The following PCDHGB5 variants were observed in gnomAD, a reference collection of about 807,000 sequenced individuals.
The protein encoded by PCDHGB5 is protocadherin gamma-B5.
Under a neutral mutation model 62.9 loss-of-function variants are expected in PCDHGB5, and 48 were observed. That is an observed-to-expected ratio of 0.76 (90% confidence interval 0.61 to 0.97). The LOEUF (loss-of-function observed/expected upper bound fraction) is 0.97. Among genes scored for constraint, PCDHGB5 ranks in the 50% least tolerant of loss-of-function variants. The pLI is 0.00. For synonymous variants in PCDHGB5, 474 were observed against 511.2 expected (o/e 0.93, Z 0.98); for missense variants, 1,118 against 1,198.6 (o/e 0.93, Z 0.99).
rs1488042504 is a variant in PCDHGB5, at chr5:141,511,552, T to C, written c.*379T>C. ...CCTCCTCCCCACCCCACTCCAACAG[T>C]TCCTCTTTCCCGAGTAAGGTGGTTG... On this transcript the variant is annotated 3_prime_UTR_variant, in exon 4 of 4. Coordinates refer to ENST00000617380, the MANE Select transcript of PCDHGB5 (RefSeq NM_018925.3). 1.3e-5 allele frequency: 4 copies of C among 304,316 alleles called. No individual in the cohort carries two copies. The highest frequency in any genetic ancestry group is 2.6e-5 in the Non-Finnish European group (4 of 156,548). The allele number at this position is 304,316 out of a possible 1,614,324, so 18.9% of individuals were successfully genotyped here.
At position 141,501,290 on chromosome 5, in the gene PCDHGB5, TACACACACACAC is replaced by T. The variant is rs55762287; in HGVS notation, c.2457-4070_2457-4059del. Among the ~76,000 whole-genome samples, 15 of 136,248 alleles carry T rather than the reference TACACACACACAC, an allele frequency of 1.1e-4. No homozygotes were observed. The South Asian group carries it at 1.2e-3, about 11-fold the overall frequency. The allele number at this position is 136,248 out of a possible 152,430, so 89.4% of individuals were successfully genotyped here. A position where few individuals can be genotyped will look rare whatever the true frequency, so the allele number is the denominator to read the frequency against. ...GTCCAGTCTATGGGATATTCCCTTA[TACACACACACAC>T]ACACACACACACACACACACACACA... On this transcript the variant is annotated intron_variant, in intron 2 of 3. Transcript: ENST00000617380.
At chr5:141,421,770 G>T in intron 1 of PCDHGB5, 6 of 1,613,856 alleles carry the variant, frequency 3.7e-6, no homozygotes, top group East Asian at 2.2e-5. Context: ...ACTTTTCCTT[G>T]CAACTGCGGG....
At chr5:141,428,070 T>G (rs756684090) in intron 1 of PCDHGB5, 7 of 1,609,106 alleles carry the variant, frequency 4.4e-6, no homozygotes, top group Non-Finnish European at 5.1e-6. Context: ...GGACGCAGAT[T>G]CGGGACACAA....
chr5:141,434,714 G>A (rs1333237898), intron 1 of PCDHGB5, among the ~76,000 whole-genome samples: 1 of 151,564 alleles, frequency 6.6e-6, no homozygotes, highest in Non-Finnish European at 1.5e-5. Context: ...GTAAATCTCT[G>A]TTCAGGGCTC....
At chr5:141,498,338 G>A (rs2237079) in intron 2 of PCDHGB5, among the ~76,000 whole-genome samples, 68,665 of 151,630 alleles carry the variant, frequency 0.45, 15,766 homozygotes, top group Admixed American at 0.55. Flanking sequence ...CATTCCAAAT[G>A]GGAAAAGCCT....
intron 1 of PCDHGB5, among the ~76,000 whole-genome samples, chr5:141,435,953 G>A (rs2097789156): frequency 6.6e-6 from 1 of 151,984 alleles, no homozygotes; most frequent in Non-Finnish European, 1.5e-5. Context: ...CAAAAAAGGG[G>A]GCAAAATATA....
rs930862898 is a variant in PCDHGB5 at position 141,480,073 on chromosome 5, C to A, written c.2398-14734C>A. ...GGAATAATAAGTGTTTTATAAGATT[C>A]ATGCATGATATAATGTATGCAAAGT... On this transcript the variant is annotated intron_variant, in intron 1 of 3. Coordinates refer to ENST00000617380, the MANE Select transcript of PCDHGB5 (RefSeq NM_018925.3). Among the ~76,000 whole-genome samples, 5 of 152,174 alleles carry A rather than the reference C, an allele frequency of 3.3e-5. No homozygotes were observed. In the South Asian group the frequency reaches 8.3e-4, roughly 25 times the overall value.
Position 141,512,910 on chromosome 5 carries a change from T to C in PCDHGB5, c.*1737T>C, listed in dbSNP as rs2099884499. On this transcript the variant is annotated 3_prime_UTR_variant, in exon 4 of 4. Transcript: ENST00000617380. Reference sequence around the variant, plus strand: ...CTCTTCCTGTGTCTCACGCAAGTTTTATACTCTAATATTTATATGGCTTTT... The same window carrying C: ...CTCTTCCTGTGTCTCACGCAAGTTTCATACTCTAATATTTATATGGCTTTT... 1 of 152,274 alleles carries C rather than the reference T, an allele frequency of 6.6e-6. No homozygotes were observed. The highest frequency in any genetic ancestry group is 2.1e-4 in the South Asian group (1 of 4,836). 9.4% of individuals were successfully genotyped at this position (152,274 alleles called of 1,614,324 possible). A position where few individuals can be genotyped will look rare whatever the true frequency, so the allele number is the denominator to read the frequency against.
intron 1 of PCDHGB5, among the ~76,000 whole-genome samples, chr5:141,455,286 T>G (rs889792228): frequency 6.6e-6 from 1 of 152,176 alleles, no homozygotes; most frequent in African/African-American, 2.4e-5. Flanking sequence ...AACATCACTT[T>G]ACATAGTTTC....
chr5:141,438,615 TATATATATATATATATATATAC>T (rs1275224820), intron 1 of PCDHGB5, among the ~76,000 whole-genome samples: 95 of 35,914 alleles, frequency 2.6e-3, no homozygotes, highest in East Asian at 8.4e-3. Flanking sequence ...TATATATATA[TATATATATATATATATATATAC>T]ACACACACAC....
At chr5:141,418,955 G>C in intron 1 of PCDHGB5, 4 of 1,614,050 alleles carry the variant, frequency 2.5e-6, no homozygotes, top group Non-Finnish European at 3.4e-6. Flanking sequence ...AGGAGTGGTT[G>C]TTGCCCTCTT....
chr5:141,484,000 G>C (rs1425172275), intron 1 of PCDHGB5, among the ~76,000 whole-genome samples: 1 of 147,812 alleles, frequency 6.8e-6, no homozygotes, highest in Admixed American at 6.8e-5. Context: ...TGGGAGGTCT[G>C]GATGAGGGTG....
intron 1 of PCDHGB5, chr5:141,422,335 C>T (rs1196951059): frequency 6.5e-7 from 1 of 1,549,804 alleles, no homozygotes; most frequent in Non-Finnish European, 8.7e-7. Flanking sequence ...GATTGCTCTT[C>T]TAAATGTGCA....
At chr5:141,441,742 T>C in intron 1 of PCDHGB5, 1 of 367,312 alleles carries the variant, frequency 2.7e-6, no homozygotes, top group Non-Finnish European at 5.4e-6. Context: ...TAGCTCGCGC[T>C]CGGCGTCAAC....
At chr5:141,418,908 C>T (rs1037628215) in intron 1 of PCDHGB5, 1 of 1,613,814 alleles carries the variant, frequency 6.2e-7, no homozygotes, top group Non-Finnish European at 8.5e-7. Context: ...ATAATCATCA[C>T]GTCACTCTCT....
intron 1 of PCDHGB5, chr5:141,404,643 AC>A (rs769032535): frequency 2.5e-6 from 4 of 1,614,126 alleles, no homozygotes; most frequent in East Asian, 4.5e-5. Flanking sequence ...GAAATCCTGT[AC>A]CCTGCCCTCC....
In PCDHGB5 at chr5:141,490,304, T is replaced by G. The variant is rs2099698490; in HGVS notation, c.2398-4503T>G. On this transcript the variant is annotated intron_variant, in intron 1 of 3. Coordinates refer to ENST00000617380, the MANE Select transcript of PCDHGB5 (RefSeq NM_018925.3). This position sits in a 1 kb window ranked among gnomAD's most constrained non-coding sequence, Gnocchi z 5.4. ...GCCCCAGAGGTGCTATTGGCCTCTT[T>G]GGCCAACCCTGTCCTAGAGAGCACA... 1.2e-6 allele frequency: 2 copies of G among 1,614,026 alleles called. No homozygotes were observed. The highest frequency in any genetic ancestry group is 1.7e-5 in the Admixed American group (1 of 60,010).
rs1410729947 is a variant in PCDHGB5 at position 141,493,256 on chromosome 5, T to TA, written c.2398-1550dup. 3.3e-5 allele frequency among the ~76,000 whole-genome samples: 5 copies of TA among 152,306 alleles called. No homozygotes were observed. The highest frequency in any genetic ancestry group is 1.2e-4 in the African/African-American group (5 of 41,570). ...TGGCTAGGTACTAACATGCCTCTCT[T>TA]ATAACAGCTTCACAGAGGTCAAGTG... On this transcript the variant is annotated intron_variant, in intron 1 of 3. Transcript: ENST00000617380. This position sits in a 1 kb window ranked among gnomAD's most constrained non-coding sequence, Gnocchi z 4.3.
intron 1 of PCDHGB5, chr5:141,409,468 C>T (rs1256188577): frequency 1.9e-6 from 3 of 1,613,948 alleles, no homozygotes; most frequent in Admixed American, 1.7e-5. Flanking sequence ...ATGTCACCAT[C>T]GTAGCCACTG....
Sources: gnomAD v4.1 joint callset for allele counts (sites outside exome capture counted in the v4.1 genomes callset) on GRCh38, gnomAD v4.1.1 for gene constraint, Gnocchi (gnomAD v3.1) non-coding constraint, MANE v1.5 for transcripts, NCBI Gene and HGNC (gene_info 2026-07-23, HGNC 2026-07-21) for gene names.